The following NRG1 variants were observed in gnomAD, a reference collection of about 807,000 sequenced individuals.
NRG1 encodes the protein neuregulin 1, also known as pro-neuregulin-1, membrane-bound isoform.
Under a neutral mutation model 63.8 loss-of-function variants are expected in NRG1, and 18 were observed. The ratio of observed to expected loss-of-function variants is 0.28; its 90% CI spans 0.19 to 0.42. The LOEUF (loss-of-function observed/expected upper bound fraction) is 0.42, where lower values mean the gene tolerates loss of function less well. Ranked by LOEUF, NRG1 falls within the 10% of genes least tolerant of loss-of-function variation. The probability of loss-of-function intolerance (pLI) is 1.00; values close to 1 mark genes in which losing one functional copy is unlikely to be tolerated. For missense variants in NRG1, 762 were observed against 814.7 expected (o/e 0.94, Z 0.79); for synonymous variants, 302 against 301.3 (o/e 1.00, Z -0.02).
chr8:32,712,340 G>C (rs1818035300), intron 5 of NRG1, among the ~76,000 whole-genome samples: 1 of 152,134 alleles, frequency 6.6e-6, no homozygotes, highest in African/African-American at 2.4e-5. Context: ...GAGTCTACTA[G>C]CCTTACATGT....
chr8:32,665,657 A>G (rs1006257979), intron 5 of NRG1, among the ~76,000 whole-genome samples: 9 of 152,222 alleles, frequency 5.9e-5, no homozygotes, highest in African/African-American at 1.9e-4. Flanking sequence ...CAAAGCTGCT[A>G]AATGAAAGGG....
At chr8:31,678,102 T>TATTTATTC (rs2131040751) in intron 1 of NRG1, among the ~76,000 whole-genome samples, 1 of 151,926 alleles carries the variant, frequency 6.6e-6, no homozygotes, top group Admixed American at 6.6e-5. Flanking sequence ...TTTATTTATT[T>TATTTATTC]ATTTATTAGC....
At chr8:32,199,511 C>T (rs1007380582) in intron 1 of NRG1, among the ~76,000 whole-genome samples, 5 of 152,128 alleles carry the variant, frequency 3.3e-5, no homozygotes, top group Non-Finnish European at 5.9e-5. Context: ...CTAAATTAGC[C>T]TACATAAGAC....
At chr8:32,055,602 AT>A (rs1223089847) in intron 1 of NRG1, among the ~76,000 whole-genome samples, 3 of 151,338 alleles carry the variant, frequency 2.0e-5, no homozygotes, top group Admixed American at 6.6e-5. Context: ...ATCTGAGTTC[AT>A]TTTTTTTCTC....
chr8:32,175,486 A>G (rs776025055), intron 1 of NRG1, among the ~76,000 whole-genome samples: 17 of 152,226 alleles, frequency 1.1e-4, no homozygotes, highest in Non-Finnish European at 2.2e-4. Context: ...GGCCAGGGCT[A>G]TCAGGCAGAA....
intron 1 of NRG1, among the ~76,000 whole-genome samples, chr8:32,557,172 A>T (rs1835344874): frequency 6.6e-6 from 1 of 151,756 alleles, no homozygotes; most frequent in Non-Finnish European, 1.5e-5. Context: ...CACCCAGCTA[A>T]TTTTTTTCGT....
At chr8:32,351,807 T>C (rs1182370336) in intron 1 of NRG1, among the ~76,000 whole-genome samples, 1 of 152,198 alleles carries the variant, frequency 6.6e-6, no homozygotes, top group Non-Finnish European at 1.5e-5. Flanking sequence ...TTTACCACAG[T>C]GAACTTGGTA....
chr8:31,953,002 G>A (rs1217790302), intron 1 of NRG1, among the ~76,000 whole-genome samples: 13 of 152,114 alleles, frequency 8.5e-5, no homozygotes, highest in Admixed American at 8.5e-4. Context: ...TCATTCTCAT[G>A]GACCTACCTC....
intron 1 of NRG1, among the ~76,000 whole-genome samples, chr8:31,832,193 G>C (rs1333319518): frequency 1.3e-5 from 2 of 151,630 alleles, no homozygotes; most frequent in Non-Finnish European, 2.9e-5. Context: ...ATGAGATTTT[G>C]CTCTGAATTG....
chr8:32,114,198 A>G (rs1362315486), intron 1 of NRG1, among the ~76,000 whole-genome samples: 1 of 152,256 alleles, frequency 6.6e-6, no homozygotes, highest in Non-Finnish European at 1.5e-5. Context: ...GGTTCAAAGT[A>G]AAGAAACAGT....
intron 1 of NRG1, among the ~76,000 whole-genome samples, chr8:31,698,646 G>T (rs1378023681): frequency 6.6e-6 from 1 of 152,160 alleles, no homozygotes; most frequent in African/African-American, 2.4e-5. Flanking sequence ...GTTAGAAAGC[G>T]GGGTTATTAG....
chr8:32,114,222 T>C (rs968816985), intron 1 of NRG1, among the ~76,000 whole-genome samples: 1 of 152,202 alleles, frequency 6.6e-6, no homozygotes, highest in African/African-American at 2.4e-5. Context: ...AAAATAACAT[T>C]TTATTTTTCT....
intron 1 of NRG1, among the ~76,000 whole-genome samples, chr8:31,899,135 G>A (rs540734797): frequency 4.9e-4 from 74 of 150,530 alleles, no homozygotes; most frequent in African/African-American, 1.6e-3. Flanking sequence ...GCAGGGTCTT[G>A]CTCTGTCTCC....
chr8:32,595,875 G>C, exon 2 of NRG1: 1 of 1,613,608 alleles, frequency 6.2e-7, no homozygotes, highest in Non-Finnish European at 8.5e-7. Flanking sequence ...ATCGGCTGCA[G>C]GTTCCAAACT....
chr8:32,379,223 C>T (rs1172320526), intron 1 of NRG1, among the ~76,000 whole-genome samples: 3 of 152,024 alleles, frequency 2.0e-5, no homozygotes, highest in South Asian at 2.1e-4. Context: ...TAAAAAAACA[C>T]TTATCAAACA....
At chr8:31,966,728 A>G (rs1210613261) in intron 1 of NRG1, among the ~76,000 whole-genome samples, 1 of 152,192 alleles carries the variant, frequency 6.6e-6, no homozygotes, top group African/African-American at 2.4e-5. Context: ...AGAATAACCT[A>G]TGTATATTAC....
intron 1 of NRG1, among the ~76,000 whole-genome samples, chr8:31,896,461 C>G (rs930603121): frequency 1.1e-4 from 16 of 152,228 alleles, no homozygotes; most frequent in African/African-American, 3.9e-4. Flanking sequence ...ATACTCCTGT[C>G]ATGCAGCATT....
chr8:31,640,690 C>T lies in NRG1; in HGVS notation c.37+1259C>T, dbSNP rs1215578244. ...CCCCCCTCTGGAGACGGGCCGGAAC[C>T]TCAAGAAGGAGGTCAGCCGGGTGCT... On this transcript the variant is annotated intron_variant, in intron 1 of 10. Coordinates refer to the NRG1 transcript ENST00000519301. The surrounding 1 kb of genome is among the most constrained non-coding windows in gnomAD (Gnocchi z 6.3). 13 of 1,605,824 alleles carry T rather than the reference C, an allele frequency of 8.1e-6. No individual in the cohort carries two copies. Among genetic ancestry groups the T allele is most frequent in the Non-Finnish European group, 1.0e-5 (12 of 1,177,086 alleles).
In NRG1 at chr8:31,946,295, A is replaced by G. The variant is rs150681259; in HGVS notation, c.37+306864A>G. Among the ~76,000 whole-genome samples, 172 of 152,300 alleles carry G rather than the reference A, an allele frequency of 1.1e-3. 2 individuals are homozygous for G. Among genetic ancestry groups the G allele is most frequent in the Middle Eastern group, 3.4e-3 (1 of 294 alleles). On this transcript the variant is annotated intron_variant, in intron 1 of 10. Coordinates refer to the NRG1 transcript ENST00000519301. ...TTTCTCCTCAATTTATTACTGTTTT[A>G]AAACCTGTACTATAGATGATAGGAA...
Sources: gnomAD v4.1 joint callset for allele counts (sites outside exome capture counted in the v4.1 genomes callset) on GRCh38, gnomAD v4.1.1 for gene constraint, Gnocchi (gnomAD v3.1) non-coding constraint, MANE v1.5 for transcripts, NCBI Gene and HGNC (gene_info 2026-07-23, HGNC 2026-07-21) for gene names.